The following TTLL6 variants were observed in gnomAD, a reference collection of about 807,000 sequenced individuals.
TTLL6 encodes tubulin tyrosine ligase like 6.
Under a neutral mutation model 96.4 loss-of-function variants are expected in TTLL6, and 75 were observed. The ratio of observed to expected loss-of-function variants is 0.78; its 90% CI spans 0.65 to 0.94. TTLL6 has a LOEUF of 0.94. Ranked by LOEUF, TTLL6 falls within the 40% of genes least tolerant of loss-of-function variation. TTLL6 has a pLI of 0.00. For synonymous variants in TTLL6, 411 were observed against 419.4 expected (o/e 0.98, Z 0.24); for missense variants, 1,030 against 1,093.0 (o/e 0.94, Z 0.81).
At chr17:48,810,410 T>A (rs1237531692) in intron 1 of TTLL6, among the ~76,000 whole-genome samples, 1 of 152,126 alleles carries the variant, frequency 6.6e-6, no homozygotes, top group Non-Finnish European at 1.5e-5. Flanking sequence ...CCTCCTTGCT[T>A]TCATTTCCCC....
intron 1 of TTLL6, among the ~76,000 whole-genome samples, chr17:48,811,699 T>C (rs1412021715): frequency 1.4e-5 from 2 of 148,054 alleles, no homozygotes; most frequent in African/African-American, 5.0e-5. Context: ...AGAAAGCTTT[T>C]TTTTTTTTTT....
intron 13 of TTLL6, among the ~76,000 whole-genome samples, chr17:48,772,000 G>A (rs369739478): frequency 5.3e-5 from 8 of 152,204 alleles, no homozygotes; most frequent in South Asian, 2.1e-4. Flanking sequence ...ACTTGAACTC[G>A]GGTGGCAGAG....
intron 1 of TTLL6, among the ~76,000 whole-genome samples, chr17:48,813,551 C>T (rs1360338281): frequency 6.6e-6 from 1 of 152,054 alleles, no homozygotes; most frequent in Non-Finnish European, 1.5e-5. Context: ...AGAACTAGAC[C>T]TTGCCTCAAA....
In TTLL6 at chr17:48,775,205, C is replaced by T. The variant is rs367685674; in HGVS notation, c.2041-5108G>A. 4.0e-5 allele frequency among the ~76,000 whole-genome samples: 6 copies of T among 151,228 alleles called. No individual in the cohort carries two copies. The South Asian group carries it at 1.3e-3, about 32-fold the overall frequency. ...AGAGAAAGGAATACTTCCTACTTCCCAACTCACTTTATGGGGCCAGAATTA... is the reference window on the plus strand; with the variant it reads ...AGAGAAAGGAATACTTCCTACTTCCTAACTCACTTTATGGGGCCAGAATTA... On this transcript the variant is annotated intron_variant, in intron 13 of 15. Coordinates refer to ENST00000393382, the MANE Select transcript of TTLL6 (RefSeq NM_001130918.3).
chr17:48,803,384 T>A (rs753858132), intron 3 of TTLL6, among the ~76,000 whole-genome samples: 2 of 150,590 alleles, frequency 1.3e-5, no homozygotes, highest in African/African-American at 2.4e-5. Flanking sequence ...TAATCCCAGC[T>A]ACTAGGGAGG....
Position 48,804,857 on chromosome 17 carries a change from G to C in TTLL6, c.238C>G (p.Leu80Val). The C allele has an allele frequency of 6.4e-7, 1 of 1,552,368 alleles. No individual in the cohort carries two copies. The highest frequency in any genetic ancestry group is 8.7e-7 in the Non-Finnish European group (1 of 1,147,148). The change falls in exon 2 of 16, where the codon CTG becomes GTG. Residue 80 changes from leucine to valine, a missense_variant. Leu to Val is a conservative substitution (Grantham distance 32). Coordinates refer to ENST00000393382, the MANE Select transcript of TTLL6 (RefSeq NM_001130918.3). ...SKEDPKETVA[L>V]AFVRENPGAQ... ...CCTGGGTTCTCTCTCACAAAAGCCA[G>C]CGCGACGGTTTCTTTTGGATCTTCT...
intron 7 of TTLL6, among the ~76,000 whole-genome samples, 197 bp from the exon 8 acceptor site, chr17:48,796,343 T>C (rs114883258): frequency 0.02 from 3,096 of 152,250 alleles, 44 homozygotes; most frequent in Middle Eastern, 0.037. Context: ...CCAATTCTGC[T>C]GGGCGTGGTG....
intron 8 of TTLL6, among the ~76,000 whole-genome samples, chr17:48,795,254 A>G (rs1282135812): frequency 2.6e-5 from 4 of 151,516 alleles, no homozygotes; most frequent in Non-Finnish European, 5.9e-5. Context: ...TTAACCCGGG[A>G]GGCAGAGGTT....
chr17:48,763,804 A>G (rs112208510), intron 15 of TTLL6, among the ~76,000 whole-genome samples: 18,052 of 151,960 alleles, frequency 0.12, 1,402 homozygotes, highest in Non-Finnish European at 0.17. Flanking sequence ...GTCTCTAAAA[A>G]CAAAACAAAA....
At chr17:48,786,000 G>A (rs2039083036) in intron 12 of TTLL6, among the ~76,000 whole-genome samples, 164 bp downstream of exon 12, 1 of 152,192 alleles carries the variant, frequency 6.6e-6, no homozygotes, top group Non-Finnish European at 1.5e-5. Context: ...GCCGGCTCCT[G>A]TGTGCCTTCA....
chr17:48,781,037 T>C (rs2038974694), intron 13 of TTLL6, among the ~76,000 whole-genome samples: 1 of 151,558 alleles, frequency 6.6e-6, no homozygotes, highest in South Asian at 2.1e-4. Context: ...GATTATAGGG[T>C]AATTCTATTT....
intron 11 of TTLL6, among the ~76,000 whole-genome samples, chr17:48,786,682 C>T (rs573607802): frequency 5.3e-5 from 8 of 152,286 alleles, no homozygotes; most frequent in South Asian, 4.1e-4. Context: ...AGGAGGCTAA[C>T]GCCAGAGGCT....
intron 13 of TTLL6, among the ~76,000 whole-genome samples, chr17:48,775,349 T>C (rs897844868): frequency 6.6e-6 from 1 of 151,864 alleles, no homozygotes; most frequent in African/African-American, 2.4e-5. Flanking sequence ...AATTCAGCAA[T>C]GTATTAAAAA....
Position 48,769,918 on chromosome 17 carries a change from C to G in TTLL6, c.2220G>C (p.Met740Ile). 6.2e-7 allele frequency: 1 copy of G among 1,614,196 alleles called. No individual in the cohort carries two copies. Among genetic ancestry groups the G allele is most frequent in the Non-Finnish European group, 8.5e-7 (1 of 1,180,036 alleles). The change falls in exon 14 of 16, where the codon ATG becomes ATC. Residue 740 changes from methionine (M) to isoleucine (I), a missense_variant. Transcript: ENST00000393382. The part of the protein sequence containing the change: ...QTPPHLTQKK[M>I]LKSFLPTKSK... ...ATTTTGTGGGCAGAAAAGATTTTAACATTTTCTTCTGGGTTAAGTGTGGAG... is the reference window on the plus strand; with the variant it reads ...ATTTTGTGGGCAGAAAAGATTTTAAGATTTTCTTCTGGGTTAAGTGTGGAG...
chr17:48,790,803 C>T (rs2039203303), intron 9 of TTLL6, among the ~76,000 whole-genome samples: 1 of 152,176 alleles, frequency 6.6e-6, no homozygotes, highest in Non-Finnish European at 1.5e-5. Flanking sequence ...CCCTTTGCTC[C>T]CTGAAGGGCC....
intron 13 of TTLL6, among the ~76,000 whole-genome samples, chr17:48,774,333 T>C (rs1416030746): frequency 6.8e-6 from 1 of 147,614 alleles, no homozygotes; most frequent in Non-Finnish European, 1.5e-5. Flanking sequence ...CCAGCTAATT[T>C]TTTGTATTTT....
chr17:48,801,162 G>A, intron 5 of TTLL6, 93 bp downstream of exon 5: 1 of 1,173,548 alleles, frequency 8.5e-7, no homozygotes, highest in Non-Finnish European at 1.2e-6. Context: ...AGTTCATATG[G>A]GCAGGGAAAG....
chr17:48,789,998 T>C lies in TTLL6; in HGVS notation c.1333A>G (p.Lys445Glu), dbSNP rs779264159. 1 of 1,614,072 alleles carries C rather than the reference T, an allele frequency of 6.2e-7. No individual in the cohort carries two copies. The highest frequency in any genetic ancestry group is 1.3e-5 in the African/African-American group (1 of 74,940). ...TGTCTCTCCTCCTCCAAGACTTTCT[T>C]CTTGTCACAGCTTTCCAGGTTGATC... ...VLINLESCDK[K>E]KVLEEERQRG... The change falls in exon 10 of 16, where the codon AAG becomes GAG. Residue 445 changes from lysine (K) to glutamate (E), a missense_variant. Physicochemically the swap from Lys to Glu is moderately conservative, Grantham distance 56. Coordinates refer to ENST00000393382, the MANE Select transcript of TTLL6 (RefSeq NM_001130918.3).
chr17:48,790,966 C>G (rs899175314), intron 9 of TTLL6, among the ~76,000 whole-genome samples: 11 of 152,106 alleles, frequency 7.2e-5, no homozygotes, highest in Non-Finnish European at 1.5e-4. Flanking sequence ...GGCCCCAGGA[C>G]GCTCTCTGCT....
Sources: allele counts gnomAD v4.1 joint callset (sites outside exome capture counted in the v4.1 genomes callset), GRCh38; gene constraint gnomAD v4.1.1; transcripts MANE v1.5; gene names NCBI Gene and HGNC (gene_info 2026-07-23, HGNC 2026-07-21).